ANAPC2: variants seen among roughly 807,000 people sequenced by gnomAD.
ANAPC2 encodes anaphase promoting complex subunit 2, also known as anaphase-promoting complex subunit 2.
In ANAPC2, 29 loss-of-function variants were observed where a neutral mutation model predicts 84.3. That is an observed-to-expected ratio of 0.34 (90% CI 0.26 to 0.47). ANAPC2 has a LOEUF of 0.47. Ranked by LOEUF, ANAPC2 falls within the 20% of genes least tolerant of loss-of-function variation. ANAPC2 has a pLI of 1.00. For missense variants in ANAPC2, 857 were observed against 1,131.7 expected (o/e 0.76, Z 3.48); for synonymous variants, 571 against 479.4 (o/e 1.19, Z -2.50).
intron 5 of ANAPC2, 136 bp downstream of exon 5, chr9:137,183,536 C>G: frequency 7.5e-7 from 1 of 1,340,764 alleles, no homozygotes. Context: ...AGGACCTCAC[C>G]AATTGCTTCT....
intron 10 of ANAPC2, among the ~76,000 whole-genome samples, chr9:137,179,291 C>T (rs753107602): frequency 3.3e-5 from 5 of 152,172 alleles, no homozygotes; most frequent in Admixed American, 2.0e-4. Flanking sequence ...ACAGGCCCCA[C>T]ACATCAGACA....
At chr9:137,183,058 A>AG in intron 6 of ANAPC2, 67 bp downstream of exon 6, 1 of 1,352,022 alleles carries the variant, frequency 7.4e-7, no homozygotes, top group Non-Finnish European at 1.0e-6. Flanking sequence ...GCTGCCCCCC[A>AG]GGACCACGAG....
chr9:137,180,031 C>G (rs550028926), intron 10 of ANAPC2, 150 bp downstream of exon 10: 1 of 836,592 alleles, frequency 1.2e-6, no homozygotes, highest in South Asian at 1.8e-5. Context: ...GCCAGGCCCA[C>G]TCCCTCTCCT....
chr9:137,181,901 A>G, intron 6 of ANAPC2, 39 bp from the exon 7 acceptor site: 3 of 1,567,498 alleles, frequency 1.9e-6, no homozygotes, highest in Non-Finnish European at 2.6e-6. Flanking sequence ...CAGTGTGGAC[A>G]CCCCGCGCGC....
chr9:137,187,649 C>G lies in ANAPC2; in HGVS notation c.572G>C (p.Gly191Ala). 6.2e-7 allele frequency: 1 copy of G among 1,614,128 alleles called. No individual in the cohort carries two copies. ...CAGTTCCGGGTCTGTGCCCCCTTCC[C>G]CCTTCCTCTTACTCTGCATATAGAC... ...LRVYMQSKRKGEGGTDPELEG... is the reference protein window; with the variant it reads ...LRVYMQSKRKAEGGTDPELEG... Residue 191 changes from glycine (G) to alanine (A), a missense_variant, in exon 2 of 13, where the codon GGG becomes GCG. Gly to Ala is a moderately conservative substitution (Grantham distance 60, BLOSUM62 0). This residue lies in a region of ANAPC2 where 428 missense variants were observed against 513.8 expected (regional missense o/e 0.83). Coordinates refer to ENST00000323927, the MANE Select transcript of ANAPC2 (RefSeq NM_013366.4).
intron 10 of ANAPC2, chr9:137,176,160 T>C (rs28571106): frequency 0.35 from 71,369 of 202,074 alleles, 12,918 homozygotes; most frequent in African/African-American, 0.38. Context: ...CCCAACTGAC[T>C]GGGGTCCTTC....
At chr9:137,178,760 G>A (rs76292898) in intron 10 of ANAPC2, among the ~76,000 whole-genome samples, 1 of 151,558 alleles carries the variant, frequency 6.6e-6, no homozygotes, top group African/African-American at 2.4e-5. Context: ...CTCTTCCAGA[G>A]CCAAGCTGAG....
rs767404516 is a variant in ANAPC2, at chr9:137,185,007, G to A, written c.954C>T (p.Gly318=). 1.4e-5 allele frequency: 22 copies of A among 1,606,608 alleles called. No individual in the cohort carries two copies. The highest frequency in any genetic ancestry group is 1.8e-5 in the Non-Finnish European group (21 of 1,177,528). ...GGCAGCGCCAGCGGCGCAGGGTGTT[G>A]CCGGCCTCGGGAGATGCGGGCCTGG... The part of the protein sequence containing the change: ...GPARPASPEA[G]NTLRRWRCHV... Residue 318 remains glycine, a synonymous_variant, in exon 4 of 13, where the codon GGC becomes GGT. Coordinates refer to ENST00000323927, the MANE Select transcript of ANAPC2 (RefSeq NM_013366.4).
chr9:137,188,154 AG>A lies in ANAPC2; in HGVS notation c.118-52del, dbSNP rs1159961031. ...AGGGGAACACAACATAGAGGTGGGG[AG>A]AGGCGGGGAAGGGAAGAAGCTGAGG... On this transcript the variant is annotated intron_variant, in intron 1 of 12. Coordinates refer to ENST00000323927, the MANE Select transcript of ANAPC2 (RefSeq NM_013366.4). 3.2e-6 allele frequency: 5 copies of A among 1,572,168 alleles called. No individual in the cohort carries two copies. In the African/African-American group the frequency reaches 6.8e-5, roughly 21 times the overall value.
chr9:137,183,117 G>A lies in ANAPC2; in HGVS notation c.1286+8C>T. On this transcript the variant is annotated splice_region_variant and intron_variant, in intron 6 of 12. Transcript: ENST00000323927. ...CCCAGTGGCTCCTGGGCCAGCTGCAGCCCTCACCTCAGGTAGCGGCGGATA... is the reference window on the plus strand; with the variant it reads ...CCCAGTGGCTCCTGGGCCAGCTGCAACCCTCACCTCAGGTAGCGGCGGATA... The A allele has an allele frequency of 6.2e-7, 1 of 1,608,452 alleles. No individual in the cohort carries two copies. Among genetic ancestry groups the A allele is most frequent in the Non-Finnish European group, 8.5e-7 (1 of 1,176,030 alleles).
chr9:137,188,303 C>A, intron 1 of ANAPC2, 113 bp downstream of exon 1: 1 of 1,335,218 alleles, frequency 7.5e-7, no homozygotes, highest in South Asian at 1.4e-5. Context: ...AATGGCAGGA[C>A]AGGACAGAGG....
rs746666028 is a variant in ANAPC2, at chr9:137,183,193, C to T, written c.1218G>A (p.Ala406=). The T allele has an allele frequency of 6.9e-5, 111 of 1,613,152 alleles. No homozygotes were observed. Among genetic ancestry groups the T allele is most frequent in the Middle Eastern group, 1.6e-4 (1 of 6,082 alleles). The change falls in exon 6 of 13, where the codon GCG becomes GCA. Residue 406 remains alanine (A), a synonymous_variant. Transcript: ENST00000323927. ...CCATGGAAGGGTCCAGCACGCGCAG[C>T]GCCTTGATGGCAGAGATATAGAGGG... The part of the protein sequence containing the change: ...IITLYISAIK[A]LRVLDPSMVI...
chr9:137,186,458 GCACACACACA>G (rs148147354), intron 2 of ANAPC2, 102 bp from the exon 3 acceptor site: 3 of 1,330,412 alleles, frequency 2.3e-6, no homozygotes, highest in Non-Finnish European at 3.0e-6. Context: ...AGTGCATGCA[GCACACACACA>G]CACACACACC....
intron 2 of ANAPC2, chr9:137,187,028 A>G: frequency 5.5e-6 from 1 of 181,652 alleles, no homozygotes; most frequent in South Asian, 1.2e-4. Context: ...TCTCACAACA[A>G]ACCCCTCTCC....
intron 2 of ANAPC2, chr9:137,186,720 G>A (rs1465989584): frequency 7.6e-6 from 2 of 262,544 alleles, no homozygotes; most frequent in Non-Finnish European, 7.3e-6. Flanking sequence ...TACCCTGGCC[G>A]CAGAGGTACA....
At chr9:137,183,052 C>T in intron 6 of ANAPC2, 73 bp downstream of exon 6, 1 of 1,255,462 alleles carries the variant, frequency 8.0e-7, no homozygotes, top group Non-Finnish European at 1.1e-6. Context: ...CCTCCGGCTG[C>T]CCCCCAGGAC....
intron 8 of ANAPC2, 59 bp downstream of exon 8, chr9:137,180,729 G>C (rs73571568): frequency 0.26 from 413,458 of 1,588,638 alleles, 56,666 homozygotes; most frequent in African/African-American, 0.37. Flanking sequence ...CCTGTCCCGA[G>C]AGAGGCTGGG....
chr9:137,185,224 G>A (rs956011700), intron 3 of ANAPC2, 137 bp from the exon 4 acceptor site: 33 of 923,800 alleles, frequency 3.6e-5, no homozygotes, highest in Middle Eastern at 5.9e-4. Context: ...TGCGTCTGGA[G>A]GCTGGAGCAC....
At chr9:137,178,291 G>A (rs1434735575) in intron 10 of ANAPC2, among the ~76,000 whole-genome samples, 3 of 152,236 alleles carry the variant, frequency 2.0e-5, no homozygotes, top group African/African-American at 7.2e-5. Flanking sequence ...GGCCAGCCAC[G>A]TGTCCAACAA....
Sources: allele counts gnomAD v4.1 joint callset (sites outside exome capture counted in the v4.1 genomes callset), GRCh38; gene constraint gnomAD v4.1.1; regional missense constraint gnomAD v4.1.1; transcripts MANE v1.5; gene names NCBI Gene and HGNC (gene_info 2026-07-23, HGNC 2026-07-21).